Variants in UTP6 observed in about 807,000 individuals in gnomAD.
The protein encoded by UTP6 is U3 small nucleolar RNA-associated protein 6 homolog.
In UTP6, 60 loss-of-function variants were observed where a neutral mutation model predicts 96.5. That is an observed-to-expected ratio of 0.62 (90% CI 0.51 to 0.77). UTP6 has a LOEUF of 0.77. Ranked by LOEUF, UTP6 falls within the 30% of genes least tolerant of loss-of-function variation. The pLI is 0.00. For synonymous variants in UTP6, 215 were observed against 240.1 expected (o/e 0.90, Z 0.96); for missense variants, 637 against 706.5 (o/e 0.90, Z 1.12).
chr17:31,900,615 C>T (rs2142331300), intron 1 of UTP6, among the ~76,000 whole-genome samples: 1 of 152,256 alleles, frequency 6.6e-6, no homozygotes, highest in Middle Eastern at 3.4e-3. Context: ...TTCTTTTACT[C>T]CAAGTTCAGG....
At chr17:31,873,181 G>A (rs1007776202) in intron 16 of UTP6, 197 bp downstream of exon 16, 1 of 480,768 alleles carries the variant, frequency 2.1e-6, no homozygotes, top group Non-Finnish European at 3.6e-6. Context: ...TTGAACGCAG[G>A]AGGCGGAGAT....
intron 17 of UTP6, among the ~76,000 whole-genome samples, chr17:31,867,368 C>T (rs1256991945): frequency 4.6e-5 from 7 of 151,748 alleles, no homozygotes; most frequent in East Asian, 3.9e-4. Context: ...ATTAGCAGGG[C>T]GTGGCAGCCC....
chr17:31,892,725 A>G, intron 5 of UTP6, 22 bp downstream of exon 5: 2 of 1,614,102 alleles, frequency 1.2e-6, no homozygotes, highest in South Asian at 2.2e-5. Flanking sequence ...AGAGGAAGCA[A>G]GACATGCATG....
rs1019289449 is a variant in UTP6, at chr17:31,878,853, G to C, written c.968-72C>G. ...ATTCATCACATCAAAGTTATTAAAA[G>C]ATAAGGAAAAAAACAGTCATCCTAC... is the stretch of plus-strand genomic sequence containing the variant. On this transcript the variant is annotated intron_variant, in intron 11 of 18. Coordinates refer to ENST00000261708, the MANE Select transcript of UTP6 (RefSeq NM_018428.3). 2.8e-6 allele frequency: 4 copies of C among 1,440,276 alleles called. No individual in the cohort carries two copies. In the South Asian group the frequency reaches 3.5e-5, roughly 13 times the overall value. The allele number at this position is 1,440,276 out of a possible 1,614,324, so 89.2% of individuals were successfully genotyped here. A position where few individuals can be genotyped will look rare whatever the true frequency, so the allele number is the denominator to read the frequency against.
chr17:31,886,168 A>G, intron 8 of UTP6, 107 bp from the exon 9 acceptor site: 1 of 857,470 alleles, frequency 1.2e-6, no homozygotes, highest in East Asian at 2.5e-5. Context: ...ACCACTGGTA[A>G]ATCATGTCTC....
intron 7 of UTP6, among the ~76,000 whole-genome samples, 183 bp downstream of exon 7, chr17:31,889,102 T>C (rs1233433171): frequency 1.3e-5 from 2 of 150,562 alleles, no homozygotes; most frequent in African/African-American, 4.9e-5. Context: ...CTGGCCAACA[T>C]GGCAAAACCC....
At chr17:31,878,449 A>T in intron 12 of UTP6, 122 bp from the exon 13 acceptor site, 1 of 993,998 alleles carries the variant, frequency 1.0e-6, no homozygotes, top group South Asian at 1.5e-5. Context: ...TTGCTCCTGC[A>T]TGGTGGTTTC....
intron 13 of UTP6, among the ~76,000 whole-genome samples, chr17:31,877,265 T>A (rs1233593531): frequency 6.6e-6 from 1 of 152,146 alleles, no homozygotes; most frequent in South Asian, 2.1e-4. Flanking sequence ...AAAATGCTTA[T>A]ACCTACATTA....
Position 31,884,444 on chromosome 17 carries a change from T to C in UTP6, c.765A>G (p.Leu255=). Residue 255 remains leucine, a synonymous_variant, in exon 10 of 19, where the codon CTA becomes CTG. Transcript: ENST00000261708. ...CTTACTCATCATAAATCTCTTTTTG[T>C]AGATCTTTGGCAAAGTCAAATAGCT... ...IAQLFDFAKD[L]QKEIYDDLQA... The C allele has an allele frequency of 6.2e-7, 1 of 1,612,024 alleles. No individual in the cohort carries two copies. Among genetic ancestry groups the C allele is most frequent in the South Asian group, 1.1e-5 (1 of 90,476 alleles).
chr17:31,864,789 C>CTTT (rs796908868), intron 18 of UTP6, among the ~76,000 whole-genome samples: 1 of 144,550 alleles, frequency 6.9e-6, no homozygotes, highest in South Asian at 2.2e-4. Flanking sequence ...TACCCAGTTA[C>CTTT]TTTTTTTTTT....
chr17:31,899,888 G>T (rs1170704777), intron 1 of UTP6, among the ~76,000 whole-genome samples, 158 bp from the exon 2 acceptor site: 1 of 152,080 alleles, frequency 6.6e-6, no homozygotes, highest in Non-Finnish European at 1.5e-5. Context: ...GCTCATGCCT[G>T]GAATCCCAGC....
chr17:31,875,088 T>C (rs1910416266), intron 14 of UTP6, 146 bp downstream of exon 14: 1 of 826,246 alleles, frequency 1.2e-6, no homozygotes, highest in South Asian at 2.3e-5. Flanking sequence ...CAAATTCTTC[T>C]ACTCTTAACC....
intron 18 of UTP6, among the ~76,000 whole-genome samples, chr17:31,864,278 T>C (rs1909694214): frequency 6.6e-6 from 1 of 152,078 alleles, no homozygotes; most frequent in Non-Finnish European, 1.5e-5. Context: ...TCCCAGCTAC[T>C]TGGGAGGCTG....
chr17:31,894,885 T>C lies in UTP6; in HGVS notation c.219+85A>G, dbSNP rs956357995. Reference sequence around the variant, plus strand: ...CATATCACCACAGTTTTATCAACACTGTCTCCCAAACACAAGTCCTAACTA... The same window carrying C: ...CATATCACCACAGTTTTATCAACACCGTCTCCCAAACACAAGTCCTAACTA... On this transcript the variant is annotated intron_variant, in intron 3 of 18. Coordinates refer to ENST00000261708, the MANE Select transcript of UTP6 (RefSeq NM_018428.3). 5.2e-6 allele frequency: 7 copies of C among 1,348,622 alleles called. No homozygotes were observed. In the African/African-American group the frequency reaches 1.0e-4, roughly 19 times the overall value. The allele number at this position is 1,348,622 out of a possible 1,614,324, so 83.5% of individuals were successfully genotyped here.
rs765893871 is a variant in UTP6 at position 31,887,273 on chromosome 17, T to C, written c.584A>G (p.Lys195Arg). 2 of 1,614,176 alleles carry C rather than the reference T, an allele frequency of 1.2e-6. No individual in the cohort carries two copies. ...GGCTTTTTCAAATTCTTCCTTCTCC[T>C]TCCTCAGTTTTTCAGCATGCATCAG... ...MELMHAEKLR[K>R]EKEEFEKASM... The change falls in exon 8 of 19, where the codon AAG becomes AGG. Residue 195 changes from lysine to arginine, a missense_variant. Coordinates refer to ENST00000261708, the MANE Select transcript of UTP6 (RefSeq NM_018428.3).
chr17:31,872,506 A>G (rs77546810), intron 16 of UTP6, among the ~76,000 whole-genome samples: 1 of 140,464 alleles, frequency 7.1e-6, no homozygotes, highest in Non-Finnish European at 1.6e-5. Flanking sequence ...AGTCTCTACC[A>G]AAAAAAAAAA....
At position 31,891,805 on chromosome 17, in the gene UTP6, G is replaced by A. The variant is rs1018366182; in HGVS notation, c.424+455C>T. On this transcript the variant is annotated intron_variant, in intron 6 of 18. Transcript: ENST00000261708. Reference sequence around the variant, plus strand: ...TGGAAGGCCAAGGCGGGTGGATCACGAGGTCAGGGGTTCGAGAGACCAGCC... The same window carrying A: ...TGGAAGGCCAAGGCGGGTGGATCACAAGGTCAGGGGTTCGAGAGACCAGCC... Among the ~76,000 whole-genome samples, 9 of 152,236 alleles carry A rather than the reference G, an allele frequency of 5.9e-5. 1 individual carries two copies. The highest frequency in any genetic ancestry group is 4.6e-4 in the Admixed American group (7 of 15,284).
At position 31,878,701 on chromosome 17, in the gene UTP6, C is replaced by T; in HGVS notation, c.1047+1G>A. ...CCACTGTAACCATGTAACAACCTCACCTTCCCTCTAAGGAACCCACTATTT... is the reference window on the plus strand; with the variant it reads ...CCACTGTAACCATGTAACAACCTCATCTTCCCTCTAAGGAACCCACTATTT... On this transcript the variant is annotated splice_donor_variant, in intron 12 of 18. Coordinates refer to ENST00000261708, the MANE Select transcript of UTP6 (RefSeq NM_018428.3). LOFTEE classifies it high-confidence loss of function. The T allele has an allele frequency of 6.2e-7, 1 of 1,613,854 alleles. No individual in the cohort carries two copies. The highest frequency in any genetic ancestry group is 8.5e-7 in the Non-Finnish European group (1 of 1,179,832).
At chr17:31,892,097 G>T in intron 6 of UTP6, 163 bp downstream of exon 6, 1 of 652,698 alleles carries the variant, frequency 1.5e-6, no homozygotes. Flanking sequence ...TAGTAGGCAG[G>T]GGTGAACTAT....
Sources: gnomAD v4.1 joint callset for allele counts (sites outside exome capture counted in the v4.1 genomes callset) on GRCh38, gnomAD v4.1.1 for gene constraint, MANE v1.5 for transcripts, NCBI Gene and HGNC (gene_info 2026-07-23, HGNC 2026-07-21) for gene names.